Variants in LNX1 observed in about 807,000 individuals in gnomAD.
LNX1 encodes E3 ubiquitin-protein ligase LNX.
Under a neutral mutation model 68.4 loss-of-function variants are expected in LNX1, and 54 were observed. The ratio of observed to expected loss-of-function variants is 0.79; its 90% CI spans 0.63 to 0.99. The LOEUF (loss-of-function observed/expected upper bound fraction) is 0.99. LNX1 is among the 50% of genes least tolerant of loss of function. The pLI, the probability that LNX1 is intolerant of heterozygous loss-of-function variation, is 0.00. For missense variants in LNX1, 906 were observed against 926.4 expected (o/e 0.98, Z 0.29); for synonymous variants, 336 against 350.0 (o/e 0.96, Z 0.45).
chr4:53,469,332 T>G (rs1038361267), intron 9 of LNX1, among the ~76,000 whole-genome samples: 2 of 151,806 alleles, frequency 1.3e-5, no homozygotes, highest in African/African-American at 4.8e-5. Context: ...CTGGGACACA[T>G]TCAAAGCAGT....
chr4:53,543,716 A>C (rs1230601539), intron 2 of LNX1, among the ~76,000 whole-genome samples: 1 of 152,226 alleles, frequency 6.6e-6, no homozygotes, highest in African/African-American at 2.4e-5. Context: ...ACAAATGTTA[A>C]GAATTTGAAG....
At chr4:53,461,652 T>C in intron 9 of LNX1, 59 bp from the exon 10 acceptor site, 1 of 1,306,552 alleles carries the variant, frequency 7.7e-7, no homozygotes. Flanking sequence ...AAGGGAATAC[T>C]TACTGTGACT....
chr4:53,581,281 A>G (rs548252261), intron 1 of LNX1, among the ~76,000 whole-genome samples: 81 of 152,210 alleles, frequency 5.3e-4, no homozygotes, highest in Non-Finnish European at 9.6e-4. Flanking sequence ...AAGTTGAAAA[A>G]TGTGGAAAAC....
chr4:53,558,182 A>T, intron 2 of LNX1: 1 of 1,346,402 alleles, frequency 7.4e-7, no homozygotes, highest in Non-Finnish European at 9.6e-7. Flanking sequence ...GTAGGAACGC[A>T]AGGAGCCACC....
chr4:53,610,567 G>T (rs1022510889), intron 2 of LNX1, among the ~76,000 whole-genome samples: 2 of 151,798 alleles, frequency 1.3e-5, no homozygotes, highest in African/African-American at 4.8e-5. Context: ...AATTAGCCGG[G>T]CGTGGTGGTG....
At chr4:53,478,887 G>A (rs1164741058) in intron 7 of LNX1, 145 bp from the exon 8 acceptor site, 1 of 760,390 alleles carries the variant, frequency 1.3e-6, no homozygotes, top group Non-Finnish European at 2.1e-6. Flanking sequence ...AAATACAATG[G>A]TGGTTCTTGA....
chr4:53,567,937 C>T (rs1194911526), intron 2 of LNX1, among the ~76,000 whole-genome samples: 2 of 152,126 alleles, frequency 1.3e-5, no homozygotes, highest in Admixed American at 1.3e-4. Flanking sequence ...TCTCCCAAGA[C>T]TAAACCAGGA....
chr4:53,573,932 T>A lies in LNX1; in HGVS notation c.71A>T (p.Glu24Val). 1.9e-6 allele frequency: 3 copies of A among 1,613,680 alleles called. No homozygotes were observed. Residue 24 changes from glutamate (E) to valine (V), a missense_variant, in exon 2 of 11, where the codon GAG becomes GTG. Transcript: ENST00000263925. ...CAVCGQAHSL[E>V]ENHFYSYPEE... ...TGGATAGCTGTAGAAGTGGTTTTCCTCCAAGGAGTGGGCTTGGCCACACAC... is the reference window on the plus strand; with the variant it reads ...TGGATAGCTGTAGAAGTGGTTTTCCACCAAGGAGTGGGCTTGGCCACACAC...
chr4:53,563,163 G>A (rs180965599), intron 2 of LNX1, among the ~76,000 whole-genome samples: 2,702 of 152,142 alleles, frequency 0.018, 69 homozygotes, highest in African/African-American at 0.061. Flanking sequence ...CTGAGATCGT[G>A]CCAGCCTGGG....
chr4:53,607,152 G>C (rs1733266021), intron 2 of LNX1, among the ~76,000 whole-genome samples: 1 of 152,154 alleles, frequency 6.6e-6, no homozygotes, highest in Non-Finnish European at 1.5e-5. Context: ...CATCCAAATA[G>C]AAAGAGAGGA....
At chr4:53,590,207 C>A (rs908163283) in intron 1 of LNX1, among the ~76,000 whole-genome samples, 1 of 152,124 alleles carries the variant, frequency 6.6e-6, no homozygotes, top group East Asian at 1.9e-4. Flanking sequence ...TGGTGAGGAA[C>A]GACTGTCTGT....
chr4:53,477,525 G>T (rs1723643138), intron 8 of LNX1, among the ~76,000 whole-genome samples: 1 of 152,154 alleles, frequency 6.6e-6, no homozygotes, highest in African/African-American at 2.4e-5. Flanking sequence ...TATTGGTTAA[G>T]CGCCTACTAT....
intron 1 of LNX1, among the ~76,000 whole-genome samples, chr4:53,645,692 T>C (rs1734857583): frequency 6.6e-6 from 1 of 152,222 alleles, no homozygotes; most frequent in Non-Finnish European, 1.5e-5. Context: ...ACAAGGGGTC[T>C]ACACTGCATT....
intron 2 of LNX1, among the ~76,000 whole-genome samples, chr4:53,565,686 G>A (rs1406596450): frequency 5.9e-5 from 9 of 151,968 alleles, no homozygotes; most frequent in African/African-American, 2.2e-4. Flanking sequence ...GGCTTCAGAC[G>A]ATCAAATTAC....
At chr4:53,548,043 G>A (rs983427047) in intron 2 of LNX1, among the ~76,000 whole-genome samples, 4 of 151,784 alleles carry the variant, frequency 2.6e-5, no homozygotes, top group African/African-American at 7.3e-5. Flanking sequence ...ATGAAAGCAG[G>A]TGTGGTTGGG....
chr4:53,460,676 A>C lies in LNX1; in HGVS notation c.*231T>G. On this transcript the variant is annotated 3_prime_UTR_variant, in exon 11 of 11. Transcript: ENST00000263925. ...TTATTGAATAGAAAAAATATAAACA[A>C]TGTTGTAGAGTAATGAGAAATCCTC... The C allele has an allele frequency of 2.3e-6, 1 of 437,786 alleles. No individual in the cohort carries two copies. Among genetic ancestry groups the C allele is most frequent in the East Asian group, 4.1e-5 (1 of 24,112 alleles). The allele number at this position is 437,786 out of a possible 1,614,324, so 27.1% of individuals were successfully genotyped here.
upstream of LNX1, among the ~76,000 whole-genome samples, chr4:53,619,606 G>C (rs377199489): frequency 1.3e-5 from 2 of 152,126 alleles, no homozygotes; most frequent in Non-Finnish European, 1.5e-5. Context: ...TTGTTTAGCT[G>C]TTCATCACTT....
intron 1 of LNX1, among the ~76,000 whole-genome samples, chr4:53,631,372 C>A (rs1281358035): frequency 5.3e-5 from 8 of 152,172 alleles, no homozygotes; most frequent in Non-Finnish European, 7.4e-5. Flanking sequence ...AAGAGACCTG[C>A]TAAAGAAGAC....
At chr4:53,533,820 T>C (rs931667841) in intron 2 of LNX1, among the ~76,000 whole-genome samples, 13 of 152,214 alleles carry the variant, frequency 8.5e-5, no homozygotes, top group African/African-American at 3.1e-4. Context: ...AAGAATTATC[T>C]GGTCCAAAAT....
Sources: gnomAD v4.1 joint callset for allele counts (sites outside exome capture counted in the v4.1 genomes callset) on GRCh38, gnomAD v4.1.1 for gene constraint, MANE v1.5 for transcripts, NCBI Gene and HGNC (gene_info 2026-07-23, HGNC 2026-07-21) for gene names.